The following VPS54 variants were observed in gnomAD, a reference collection of about 807,000 sequenced individuals.
The protein encoded by VPS54 is vacuolar protein sorting-associated protein 54.
Under a neutral mutation model 121.5 loss-of-function variants are expected in VPS54, and 45 were observed. The ratio of observed to expected loss-of-function variants is 0.37; its 90% CI spans 0.29 to 0.47. VPS54 has a LOEUF of 0.47. VPS54 is among the 20% of genes least tolerant of loss of function. The pLI is 0.99. For synonymous variants in VPS54, 371 were observed against 385.8 expected, an observed-to-expected ratio of 0.96 and a Z score of 0.45; for missense variants, 1,090 against 1,131.4, an observed-to-expected ratio of 0.96 and a Z score of 0.52.
At position 63,996,190 on chromosome 2, in the gene VPS54, C is replaced by T. The variant is rs577018543; in HGVS notation, c.-20-12171G>A. The stretch of plus-strand genomic sequence containing the variant: ...ACCGGCTGAAGCCATGGCAGAAGAA[C>T]ATAAATTGTGAAGATTTCATGGACA... On this transcript the variant is annotated intron_variant, in intron 1 of 22. Transcript: ENST00000272322. 2.0e-5 allele frequency among the ~76,000 whole-genome samples: 3 copies of T among 152,280 alleles called. No individual in the cohort carries two copies. The South Asian group carries it at 6.2e-4, about 32-fold the overall frequency.
At chr2:63,904,165 C>G (rs984119987) in intron 20 of VPS54, among the ~76,000 whole-genome samples, 1 of 152,052 alleles carries the variant, frequency 6.6e-6, no homozygotes, top group Non-Finnish European at 1.5e-5. Flanking sequence ...ACAGGCCGGA[C>G]GTGGTGGCTC....
intron 1 of VPS54, among the ~76,000 whole-genome samples, chr2:64,008,475 A>G (rs1678272406): frequency 6.6e-6 from 1 of 151,952 alleles, no homozygotes; most frequent in African/African-American, 2.4e-5. Context: ...TTACATACAC[A>G]CAGGAATGGG....
At chr2:63,979,418 T>C (rs1676701076) in intron 3 of VPS54, among the ~76,000 whole-genome samples, 1 of 151,990 alleles carries the variant, frequency 6.6e-6, no homozygotes, top group African/African-American at 2.4e-5. Flanking sequence ...TTTTTTGTAT[T>C]TTTATAGAGA....
intron 12 of VPS54, among the ~76,000 whole-genome samples, chr2:63,922,341 A>G (rs1673685520): frequency 6.6e-6 from 1 of 152,188 alleles, no homozygotes; most frequent in African/African-American, 2.4e-5. Flanking sequence ...CAGTTGAATT[A>G]AAATACTTTT....
At chr2:63,953,301 T>C (rs1675342548) in intron 7 of VPS54, among the ~76,000 whole-genome samples, 1 of 151,902 alleles carries the variant, frequency 6.6e-6, no homozygotes, top group South Asian at 2.1e-4. Flanking sequence ...CCAGCTAATT[T>C]TTGTGTTTTT....
At chr2:63,938,038 G>A (rs1291503239) in intron 11 of VPS54, among the ~76,000 whole-genome samples, 2 of 105,504 alleles carry the variant, frequency 1.9e-5, no homozygotes, top group Non-Finnish European at 4.4e-5. Flanking sequence ...AAGTGGAAAC[G>A]TGTGTGTGTG....
intron 16 of VPS54, 141 bp downstream of exon 16, chr2:63,916,759 T>C: frequency 4.1e-6 from 3 of 731,136 alleles, no homozygotes; most frequent in African/African-American, 1.8e-5. Flanking sequence ...TTTAAGTTCT[T>C]TGCAGGATTT....
intron 11 of VPS54, among the ~76,000 whole-genome samples, chr2:63,934,490 C>T (rs948519525): frequency 1.3e-5 from 2 of 152,118 alleles, no homozygotes; most frequent in Admixed American, 6.6e-5. Context: ...TTCCCTCATT[C>T]CAGGATTGTT....
At chr2:63,977,612 C>T (rs183501903) in intron 3 of VPS54, among the ~76,000 whole-genome samples, 3 of 152,208 alleles carry the variant, frequency 2.0e-5, no homozygotes, top group East Asian at 3.9e-4. Flanking sequence ...GCATGTTGTC[C>T]ATGTTTTCCA....
chr2:63,907,254 C>T (rs946469878), intron 20 of VPS54, among the ~76,000 whole-genome samples: 1 of 152,094 alleles, frequency 6.6e-6, no homozygotes, highest in Non-Finnish European at 1.5e-5. Context: ...CGCAGTGGCT[C>T]ATGCCTGTAA....
chr2:63,966,028 C>A lies in VPS54; in HGVS notation c.493-62G>T. 5.3e-6 allele frequency: 8 copies of A among 1,504,104 alleles called. No individual in the cohort carries two copies. The South Asian group carries it at 7.7e-5, about 14-fold the overall frequency. 93.2% of individuals were successfully genotyped at this position (1,504,104 alleles called of 1,614,324 possible). ...ATTTTCTTTATACCCATTATCTCTT[C>A]TAACATCATGATCATTAAACAAAAT... On this transcript the variant is annotated intron_variant, in intron 5 of 22. Coordinates refer to ENST00000272322, the MANE Select transcript of VPS54 (RefSeq NM_016516.3).
intron 12 of VPS54, among the ~76,000 whole-genome samples, chr2:63,931,272 A>T (rs1226898963): frequency 6.6e-6 from 1 of 152,182 alleles, no homozygotes; most frequent in Non-Finnish European, 1.5e-5. Flanking sequence ...AGGCTACAAT[A>T]ATCAAAACAA....
rs917933323 is a variant in VPS54, at chr2:63,941,788, C to G, written c.1398+677G>C. Among the ~76,000 whole-genome samples, 8 of 152,138 alleles carry G rather than the reference C, an allele frequency of 5.3e-5. No homozygotes were observed. The East Asian group carries it at 1.5e-3, about 29-fold the overall frequency. ...AGTGGCTCACACCTATATCTCAGCA[C>G]TTTGGGAGGCAGAGGCGGGCAGATC... On this transcript the variant is annotated intron_variant, in intron 11 of 22. Coordinates refer to ENST00000272322, the MANE Select transcript of VPS54 (RefSeq NM_016516.3).
chr2:63,989,352 T>C (rs530663021), intron 1 of VPS54, among the ~76,000 whole-genome samples: 11 of 152,264 alleles, frequency 7.2e-5, no homozygotes, highest in Middle Eastern at 6.8e-3. Flanking sequence ...TCTTTGAAAA[T>C]TGCTAATAAA....
chr2:63,921,324 T>C lies in VPS54; in HGVS notation c.1751A>G (p.Asp584Gly). The C allele has an allele frequency of 6.2e-7, 1 of 1,612,356 alleles. No individual in the cohort carries two copies. The highest frequency in any genetic ancestry group is 8.5e-7 in the Non-Finnish European group (1 of 1,179,038). ...PGGVDIMVSEDMKLTDSELGK... is the reference protein window; with the variant it reads ...PGGVDIMVSEGMKLTDSELGK... Reference sequence around the variant, plus strand: ...TAGCTCTGAGTCAGTTAATTTCATATCTTCACTGACCCTGAAAATAACAAA... The same window carrying C: ...TAGCTCTGAGTCAGTTAATTTCATACCTTCACTGACCCTGAAAATAACAAA... Residue 584 changes from aspartate to glycine, a missense_variant, in exon 13 of 23, where the codon GAT becomes GGT. Physicochemically the swap from Asp to Gly is moderately conservative, Grantham distance 94 (BLOSUM62 -1). This residue lies in a region of VPS54 where 801 missense variants were observed against 757.0 expected (regional missense o/e 1.06). Coordinates refer to ENST00000272322, the MANE Select transcript of VPS54 (RefSeq NM_016516.3).
chr2:63,902,903 G>A (rs137903624), intron 20 of VPS54, among the ~76,000 whole-genome samples: 6 of 152,174 alleles, frequency 3.9e-5, no homozygotes, highest in East Asian at 1.9e-4. Context: ...AGGAGGTGGA[G>A]GTCACAGTGA....
Position 63,913,266 on chromosome 2 carries a change from T to A in VPS54, c.2379A>T (p.Ala793=). 2 of 1,611,368 alleles carry A rather than the reference T, an allele frequency of 1.2e-6. No individual in the cohort carries two copies. Among genetic ancestry groups the A allele is most frequent in the Non-Finnish European group, 1.7e-6 (2 of 1,178,926 alleles). The part of the protein sequence containing the change: ...RSCQLVLGAG[A]LQVVGLKTIT... ...TCGTTTTTAGTCCAACAACTTGCAG[T>A]GCACCAGCTCCAAGAACTAACTGGC... The change falls in exon 18 of 23, where the codon GCA becomes GCT. Residue 793 remains alanine (A), a synonymous_variant. Coordinates refer to ENST00000272322, the MANE Select transcript of VPS54 (RefSeq NM_016516.3).
chr2:63,904,773 T>C (rs1165571177), intron 20 of VPS54, among the ~76,000 whole-genome samples: 1 of 152,198 alleles, frequency 6.6e-6, no homozygotes, highest in Admixed American at 6.5e-5. Flanking sequence ...ATGTGGAACA[T>C]TAGCCAAGAT....
intron 6 of VPS54, 44 bp from the exon 7 acceptor site, chr2:63,962,487 C>G: frequency 1.3e-6 from 2 of 1,530,478 alleles, no homozygotes; most frequent in South Asian, 1.3e-5. Flanking sequence ...ATGAGCATAC[C>G]TTCCTTGATT....
Sources: allele counts gnomAD v4.1 joint callset (sites outside exome capture counted in the v4.1 genomes callset), GRCh38; gene constraint gnomAD v4.1.1; regional missense constraint gnomAD v4.1.1; transcripts MANE v1.5; gene names NCBI Gene and HGNC (gene_info 2026-07-23, HGNC 2026-07-21).